The following DLGAP2 variants were observed in gnomAD, a reference collection of about 807,000 sequenced individuals.
The protein encoded by DLGAP2 is disks large-associated protein 2.
DLGAP2 carries 26 observed loss-of-function variants against 100.3 expected under a neutral mutation model. The ratio of observed to expected loss-of-function variants is 0.26; its 90% CI spans 0.19 to 0.36. The LOEUF (loss-of-function observed/expected upper bound fraction) is 0.36, where lower values mean the gene tolerates loss of function less well. DLGAP2 is among the 10% of genes least tolerant of loss of function. The probability of loss-of-function intolerance (pLI) is 1.00; values close to 1 mark genes in which losing one functional copy is unlikely to be tolerated. For synonymous variants in DLGAP2, 886 were observed against 630.1 expected (o/e 1.41, Z -6.08); for missense variants, 1,858 against 1,453.2 (o/e 1.28, Z -4.53).
rs370053035 is a variant in DLGAP2, at chr8:1,316,129, G to C, written c.106+57246G>C. ...ACTCGGCAGCTTTTAAAAATAGAGC[G>C]TGTGCGAGTGCAGCGTCTCCCCAAC... On this transcript the variant is annotated intron_variant, in intron 3 of 14. Transcript: ENST00000637795. Among the ~76,000 whole-genome samples, 900 of 114,734 alleles carry C rather than the reference G, an allele frequency of 7.8e-3. 116 individuals carry two copies. Among genetic ancestry groups the C allele is most frequent in the South Asian group, 0.039 (123 of 3,148 alleles). The allele number at this position is 114,734 out of a possible 152,430, so 75.3% of individuals were successfully genotyped here. A position where few individuals can be genotyped will look rare whatever the true frequency, so the allele number is the denominator to read the frequency against.
At chr8:1,663,735 A>AACT (rs1798473549) in intron 8 of DLGAP2, among the ~76,000 whole-genome samples, 1 of 152,114 alleles carries the variant, frequency 6.6e-6, no homozygotes, top group South Asian at 2.1e-4. Context: ...AACTGCAGGG[A>AACT]GTGGTAAAAA....
intron 1 of DLGAP2, among the ~76,000 whole-genome samples, chr8:866,010 A>G (rs1187974698): frequency 6.6e-6 from 1 of 152,082 alleles, no homozygotes; most frequent in Non-Finnish European, 1.5e-5. Context: ...AGTTACTTTT[A>G]TGGGTCTCTT....
chr8:1,192,822 C>T (rs1447143145), intron 2 of DLGAP2, among the ~76,000 whole-genome samples: 5 of 151,728 alleles, frequency 3.3e-5, no homozygotes, highest in African/African-American at 4.8e-5. Flanking sequence ...TCCCTCCCCA[C>T]TCCCCCCACC....
At chr8:1,701,099 G>A (rs1025448842) in intron 14 of DLGAP2, 89 bp from the exon 15 acceptor site, 6 of 1,260,320 alleles carry the variant, frequency 4.8e-6, no homozygotes, top group African/African-American at 1.5e-5. Flanking sequence ...GTCGGGAAGG[G>A]TCAGGCCAGG....
At chr8:1,200,133 C>T (rs546274754) in intron 2 of DLGAP2, among the ~76,000 whole-genome samples, 205 of 152,228 alleles carry the variant, frequency 1.3e-3, no homozygotes, top group African/African-American at 4.7e-3. Flanking sequence ...GAGCGGATCC[C>T]TGCACAGGCC....
intron 2 of DLGAP2, among the ~76,000 whole-genome samples, chr8:990,069 C>G (rs977475388): frequency 1.3e-5 from 2 of 152,066 alleles, no homozygotes; most frequent in Non-Finnish European, 1.5e-5. Flanking sequence ...CTGCTTCCCA[C>G]TGTAGAATTT....
chr8:1,567,972 C>T (rs1002748290), intron 6 of DLGAP2, among the ~76,000 whole-genome samples: 1 of 152,212 alleles, frequency 6.6e-6, no homozygotes, highest in African/African-American at 2.4e-5. Flanking sequence ...TACGTTACTC[C>T]TGTTCTAAAC....
intron 6 of DLGAP2, among the ~76,000 whole-genome samples, chr8:1,571,678 G>A (rs1387096489): frequency 3.6e-5 from 5 of 140,128 alleles, no homozygotes; most frequent in African/African-American, 5.4e-5. Flanking sequence ...GGTGAACTGT[G>A]GGGGCATCTT....
At position 789,473 on chromosome 8, in the gene DLGAP2, A is replaced by C. The variant is rs531608055; in HGVS notation, c.18+51648A>C. Among the ~76,000 whole-genome samples the C allele has an allele frequency of 6.3e-4, 96 of 152,332 alleles. No individual in the cohort carries two copies. In the South Asian group the frequency reaches 8.1e-3, roughly 13 times the overall value. On this transcript the variant is annotated intron_variant, in intron 1 of 14. Transcript: ENST00000637795. The stretch of plus-strand genomic sequence containing the variant: ...CCCTGTGATCCAGTTACCCCCCACC[A>C]GGCCCCTCTTCCGACACTGGGGATC...
chr8:1,065,712 G>A (rs1803223428), intron 2 of DLGAP2, among the ~76,000 whole-genome samples: 1 of 152,154 alleles, frequency 6.6e-6, no homozygotes, highest in East Asian at 1.9e-4. Flanking sequence ...CTGAACGTCG[G>A]CACTTCTGGT....
At chr8:1,149,810 GTCACTT>G (rs1289440722) in intron 2 of DLGAP2, among the ~76,000 whole-genome samples, 5 of 151,716 alleles carry the variant, frequency 3.3e-5, no homozygotes, top group Admixed American at 6.6e-5. Flanking sequence ...CTCTTGACTC[GTCACTT>G]TCACTTTCAG....
At chr8:1,456,966 C>T (rs1204949704) in intron 3 of DLGAP2, among the ~76,000 whole-genome samples, 1 of 152,228 alleles carries the variant, frequency 6.6e-6, no homozygotes, top group Non-Finnish European at 1.5e-5. Flanking sequence ...CACTAATGAG[C>T]GCTGGCGCCC....
chr8:1,036,140 CGT>C (rs1216634626), intron 2 of DLGAP2, among the ~76,000 whole-genome samples: 2 of 148,140 alleles, frequency 1.4e-5, no homozygotes, highest in African/African-American at 5.0e-5. Flanking sequence ...CCCGACCCCG[CGT>C]GTCACCGCGA....
At chr8:1,280,906 G>A (rs1257948467) in intron 3 of DLGAP2, among the ~76,000 whole-genome samples, 2 of 152,206 alleles carry the variant, frequency 1.3e-5, no homozygotes, top group Non-Finnish European at 2.9e-5. Flanking sequence ...TGCGTATTCT[G>A]GGAACAAGTC....
At chr8:964,140 G>A (rs888754785) in intron 2 of DLGAP2, among the ~76,000 whole-genome samples, 4 of 152,088 alleles carry the variant, frequency 2.6e-5, no homozygotes, top group African/African-American at 9.7e-5. Flanking sequence ...ATTCTATGTC[G>A]TGATACATTC....
intron 1 of DLGAP2, among the ~76,000 whole-genome samples, chr8:868,191 G>A (rs1797533331): frequency 6.6e-6 from 1 of 152,204 alleles, no homozygotes; most frequent in Non-Finnish European, 1.5e-5. Flanking sequence ...ATGAGAGGAA[G>A]AAGATTGTTT....
intron 3 of DLGAP2, among the ~76,000 whole-genome samples, chr8:1,315,350 A>AAATAGTAGCCTATGCGAGTGC (rs1800710702): frequency 7.0e-6 from 1 of 142,328 alleles, no homozygotes; most frequent in African/African-American, 2.7e-5. Context: ...CAGCGTTTAA[A>AAATAGTAGCCTATGCGAGTGC]AATAGAGCCT....
chr8:1,507,481 C>T (rs907585605), intron 4 of DLGAP2, among the ~76,000 whole-genome samples: 10 of 152,178 alleles, frequency 6.6e-5, no homozygotes, highest in Admixed American at 3.3e-4. Context: ...CCAGAACTCG[C>T]GCTGGCCCAT....
At chr8:1,688,771 C>CATGA (rs2130872097) in intron 12 of DLGAP2, among the ~76,000 whole-genome samples, 1 of 152,310 alleles carries the variant, frequency 6.6e-6, no homozygotes, top group South Asian at 2.1e-4. Context: ...ACACATGGTA[C>CATGA]AGATTGCCAG....
Sources: allele counts gnomAD v4.1 joint callset (sites outside exome capture counted in the v4.1 genomes callset), GRCh38; gene constraint gnomAD v4.1.1; transcripts MANE v1.5; gene names NCBI Gene and HGNC (gene_info 2026-07-23, HGNC 2026-07-21).